The following PRDM2 variants were observed in gnomAD, a reference collection of about 807,000 sequenced individuals.
The protein encoded by PRDM2 is PR/SET domain 2, also known as PR domain zinc finger protein 2.
PRDM2 carries 30 observed loss-of-function variants against 130.0 expected under a neutral mutation model. The ratio of observed to expected loss-of-function variants is 0.23; its 90% CI spans 0.17 to 0.31. The LOEUF (loss-of-function observed/expected upper bound fraction) is 0.31. Ranked by LOEUF, PRDM2 falls within the 10% of genes least tolerant of loss-of-function variation. The pLI is 1.00. For synonymous variants in PRDM2, 871 were observed against 782.4 expected (o/e 1.11, Z -1.89); for missense variants, 2,011 against 2,108.4 (o/e 0.95, Z 0.90).
intron 6 of PRDM2, among the ~76,000 whole-genome samples, chr1:13,765,467 C>G (rs1644203057): frequency 6.6e-6 from 1 of 151,708 alleles, no homozygotes; most frequent in African/African-American, 2.4e-5. Context: ...CTTGGCTATT[C>G]TTTTGTTTTT....
chr1:13,736,967 T>C (rs1273017044), intron 4 of PRDM2, among the ~76,000 whole-genome samples: 1 of 152,230 alleles, frequency 6.6e-6, no homozygotes, highest in Admixed American at 6.5e-5. Flanking sequence ...TTTAATGTAA[T>C]TTTTAAAAGA....
intron 8 of PRDM2, among the ~76,000 whole-genome samples, chr1:13,792,628 C>T (rs1055518319): frequency 7.2e-5 from 11 of 152,186 alleles, no homozygotes; most frequent in African/African-American, 2.4e-4. Context: ...TTCAGTCAGC[C>T]AGCCATTCAG....
chr1:13,753,654 A>T (rs1643886806), intron 6 of PRDM2, among the ~76,000 whole-genome samples: 1 of 152,222 alleles, frequency 6.6e-6, no homozygotes, highest in Admixed American at 6.5e-5. Context: ...TGCAACACGG[A>T]TGGTATAGGC....
rs571891140 is a variant in PRDM2, at chr1:13,739,337, C to T, written c.232-2668C>T. Among the ~76,000 whole-genome samples the T allele has an allele frequency of 2.1e-3, 326 of 152,238 alleles. 3 individuals carry two copies. The highest frequency in any genetic ancestry group is 7.0e-3 in the African/African-American group (289 of 41,542). On this transcript the variant is annotated intron_variant, in intron 4 of 9. Coordinates refer to ENST00000311066, the MANE Select transcript of PRDM2 (RefSeq NM_001393986.1). ...TGCTGGGATTACAGGCGTGAACCAC[C>T]GTGCCTGGCCTATAAATGCTTTATT...
intron 4 of PRDM2, among the ~76,000 whole-genome samples, chr1:13,733,686 C>T (rs899368876): frequency 6.6e-6 from 1 of 152,096 alleles, no homozygotes. Context: ...TAAAATTTGT[C>T]GTTGTTGCTT....
In PRDM2 at chr1:13,771,633, G is replaced by A. The variant is rs368966327; in HGVS notation, c.512-1445G>A. On this transcript the variant is annotated intron_variant, in intron 6 of 9. Transcript: ENST00000311066. The surrounding 1 kb of genome is among the most constrained non-coding windows in gnomAD (Gnocchi z 4.1). Reference sequence around the variant, plus strand: ...TAGTCCCAGCTACTCGGGAGGCTGAGGCAGGAGAATGGCATGAACCCGGGA... The same window carrying A: ...TAGTCCCAGCTACTCGGGAGGCTGAAGCAGGAGAATGGCATGAACCCGGGA... The A allele has an allele frequency of 3.3e-5, 5 of 152,222 alleles. No homozygotes were observed. The South Asian group carries it at 8.3e-4, about 25-fold the overall frequency. 9.4% of individuals were successfully genotyped at this position (152,222 alleles called of 1,614,324 possible). A position where few individuals can be genotyped will look rare whatever the true frequency, so the allele number is the denominator to read the frequency against.
intron 4 of PRDM2, among the ~76,000 whole-genome samples, chr1:13,739,959 A>G (rs1038546836): frequency 6.6e-6 from 1 of 152,186 alleles, no homozygotes; most frequent in Non-Finnish European, 1.5e-5. Context: ...GTTTAGTATT[A>G]TGAGGTTTTG....
chr1:13,706,094 C>G (rs2100382415), intron 1 of PRDM2, among the ~76,000 whole-genome samples: 1 of 152,170 alleles, frequency 6.6e-6, no homozygotes, highest in South Asian at 2.1e-4. Flanking sequence ...CCTGCAGTCA[C>G]TCACATTCCA....
At chr1:13,818,506 G>A (rs1009054935) in intron 9 of PRDM2, among the ~76,000 whole-genome samples, 12 of 148,974 alleles carry the variant, frequency 8.1e-5, no homozygotes, top group Admixed American at 8.0e-4. Flanking sequence ...AGCCTCCTGA[G>A]TAGCTGGGAC....
At chr1:13,700,599 G>T (rs1222236074) in intron 1 of PRDM2, among the ~76,000 whole-genome samples, 9 of 151,640 alleles carry the variant, frequency 5.9e-5, no homozygotes, top group African/African-American at 2.2e-4. Flanking sequence ...AGAGCCGCGC[G>T]CCCCGCGGGG....
chr1:13,808,387 A>G (rs556859949), intron 8 of PRDM2, among the ~76,000 whole-genome samples: 1 of 150,504 alleles, frequency 6.6e-6, no homozygotes, highest in Admixed American at 6.6e-5. Context: ...TGGCGTGAAC[A>G]CGGGAGGTGG....
intron 8 of PRDM2, among the ~76,000 whole-genome samples, chr1:13,796,089 C>G (rs1644918625): frequency 5.3e-5 from 8 of 152,212 alleles, no homozygotes; most frequent in Admixed American, 5.2e-4. Context: ...ACACTGGACT[C>G]AATTTCACCC....
At chr1:13,700,658 C>T (rs1366373856) in intron 1 of PRDM2, among the ~76,000 whole-genome samples, 1 of 151,686 alleles carries the variant, frequency 6.6e-6, no homozygotes, top group Non-Finnish European at 1.5e-5. Flanking sequence ...GCGGTGGGGC[C>T]ACCTGGGGCC....
At chr1:13,724,970 C>T (rs892247614) in intron 2 of PRDM2, among the ~76,000 whole-genome samples, 1 of 151,996 alleles carries the variant, frequency 6.6e-6, no homozygotes, top group Non-Finnish European at 1.5e-5. Flanking sequence ...GGATTAAGCC[C>T]CCCTGCCTCC....
At chr1:13,707,739 A>T (rs578147887) in intron 1 of PRDM2, among the ~76,000 whole-genome samples, 1 of 152,298 alleles carries the variant, frequency 6.6e-6, no homozygotes, top group Admixed American at 6.5e-5. Flanking sequence ...AGTCTTAAAA[A>T]TAAGGAAAGG....
intron 8 of PRDM2, among the ~76,000 whole-genome samples, chr1:13,790,555 G>C (rs1425386782): frequency 6.6e-6 from 1 of 152,140 alleles, no homozygotes; most frequent in African/African-American, 2.4e-5. Context: ...CTTTCCTGAA[G>C]GGTTTGCCTC....
chr1:13,717,119 A>C (rs74056424), intron 2 of PRDM2, among the ~76,000 whole-genome samples: 1 of 152,334 alleles, frequency 6.6e-6, no homozygotes, highest in African/African-American at 2.4e-5. Flanking sequence ...CATATGTCAT[A>C]AAAAACGAAT....
chr1:13,807,695 T>C (rs1024985381), intron 8 of PRDM2, among the ~76,000 whole-genome samples: 1 of 152,194 alleles, frequency 6.6e-6, no homozygotes, highest in Non-Finnish European at 1.5e-5. Flanking sequence ...AATGACTGAA[T>C]GAAAGAATGA....
At chr1:13,816,620 G>A (rs1432057137) in intron 9 of PRDM2, 50 bp downstream of exon 9, 2 of 1,600,436 alleles carry the variant, frequency 1.2e-6, no homozygotes, top group Admixed American at 1.7e-5. Flanking sequence ...TGGGTCAAGG[G>A]GGTGTGGGCT....
Sources: allele counts gnomAD v4.1 joint callset (sites outside exome capture counted in the v4.1 genomes callset), GRCh38; gene constraint gnomAD v4.1.1; non-coding constraint Gnocchi (gnomAD v3.1); transcripts MANE v1.5; gene names NCBI Gene and HGNC (gene_info 2026-07-23, HGNC 2026-07-21).